PTK2: variants seen among roughly 807,000 people sequenced by gnomAD.
The protein encoded by PTK2 is focal adhesion kinase 1.
PTK2 carries 45 observed loss-of-function variants against 150.1 expected under a neutral mutation model. That is an observed-to-expected ratio of 0.30 (90% confidence interval 0.24 to 0.38). The LOEUF is 0.38. Among genes scored for constraint, PTK2 ranks in the 10% least tolerant of loss-of-function variants. The pLI, the probability that PTK2 is intolerant of heterozygous loss-of-function variation, is 1.00. For synonymous variants in PTK2, 432 were observed against 449.2 expected, an observed-to-expected ratio of 0.96 and a Z score of 0.48; for missense variants, 919 against 1,307.3, an observed-to-expected ratio of 0.70 and a Z score of 4.58.
chr8:140,734,801 G>T (rs1446756287), intron 22 of PTK2: 1 of 512,750 alleles, frequency 2.0e-6, no homozygotes, highest in Non-Finnish European at 3.9e-6. Flanking sequence ...CTGAATAAAA[G>T]TTTATAGGTG....
In PTK2 at chr8:140,984,769, T is replaced by C. The variant is rs560292580; in HGVS notation, c.-122+16356A>G. On this transcript the variant is annotated intron_variant, in intron 1 of 31. Transcript: ENST00000522684. The stretch of plus-strand genomic sequence containing the variant: ...TCCTTCATCTTTACCGCCCCTCTTG[T>C]ACAGAGCCTAAACCACAGCTCAACT... Among the ~76,000 whole-genome samples, 262 of 152,188 alleles carry C rather than the reference T, an allele frequency of 1.7e-3. 2 individuals are homozygous for C. Among genetic ancestry groups the C allele is most frequent in the Middle Eastern group, 0.017 (5 of 294 alleles).
At chr8:140,740,716 A>C (rs1256195009) in intron 20 of PTK2, among the ~76,000 whole-genome samples, 1 of 152,262 alleles carries the variant, frequency 6.6e-6, no homozygotes, top group African/African-American at 2.4e-5. Context: ...GGGACAGTTA[A>C]GATTGAAGCT....
chr8:140,966,308 G>C (rs1384125062), intron 1 of PTK2, among the ~76,000 whole-genome samples: 1 of 152,206 alleles, frequency 6.6e-6, no homozygotes, highest in Non-Finnish European at 1.5e-5. Context: ...CACTGGCATT[G>C]AGTACCTCAG....
chr8:140,779,003 G>A (rs1402881714), intron 14 of PTK2, among the ~76,000 whole-genome samples: 1 of 152,094 alleles, frequency 6.6e-6, no homozygotes, highest in Non-Finnish European at 1.5e-5. Context: ...GGTCACACCT[G>A]TAATCCCAGC....
rs146465832 is a variant in PTK2, at chr8:140,833,141, A to G, written c.594-2615T>C. On this transcript the variant is annotated intron_variant, in intron 7 of 31. Coordinates refer to ENST00000522684, the Ensembl canonical transcript of PTK2. Reference sequence around the variant, plus strand: ...TTGAAAATAAAGACGAATACTAGGTATTGCTTTTACTTCAAAGGTGAAGAC... The same window carrying G: ...TTGAAAATAAAGACGAATACTAGGTGTTGCTTTTACTTCAAAGGTGAAGAC... The G allele has an allele frequency of 1.7e-3, 816 of 483,860 alleles. 3 individuals carry two copies. The highest frequency in any genetic ancestry group is 0.015 in the African/African-American group (745 of 50,822). 30.0% of individuals were successfully genotyped at this position (483,860 alleles called of 1,614,324 possible).
At chr8:140,717,530 G>T (rs947831775) in intron 23 of PTK2, 68 bp downstream of exon 26, 2 of 1,210,206 alleles carry the variant, frequency 1.7e-6, no homozygotes, top group Admixed American at 3.4e-5. Context: ...ATAGAAAACA[G>T]CTGCCTAACT....
intron 22 of PTK2, chr8:140,732,463 T>C (rs887790445): frequency 8.5e-6 from 4 of 468,826 alleles, no homozygotes; most frequent in Non-Finnish European, 1.7e-5. Context: ...TTCCTTAGTA[T>C]TAAGAATCAC....
intron 7 of PTK2, among the ~76,000 whole-genome samples, chr8:140,837,919 G>A (rs28707522): frequency 0.023 from 3,449 of 151,842 alleles, 130 homozygotes; most frequent in African/African-American, 0.078. Flanking sequence ...AAAATTAGCC[G>A]GGCACAGTGG....
chr8:140,889,602 G>C (rs1293050701), intron 3 of PTK2, among the ~76,000 whole-genome samples: 1 of 150,094 alleles, frequency 6.7e-6, no homozygotes, highest in Non-Finnish European at 1.5e-5. Context: ...AAGTTAGAGA[G>C]TAGCAAATTA....
intron 1 of PTK2, among the ~76,000 whole-genome samples, chr8:140,943,644 T>C (rs547408054): frequency 6.6e-6 from 1 of 152,342 alleles, no homozygotes; most frequent in African/African-American, 2.4e-5. Context: ...CATAAGAAAG[T>C]GCCAAACTGA....
chr8:140,938,508 T>C (rs914963232), intron 1 of PTK2, among the ~76,000 whole-genome samples: 1 of 152,292 alleles, frequency 6.6e-6, no homozygotes, highest in South Asian at 2.1e-4. Context: ...GTTTCCCCAA[T>C]AAATGCTCTA....
intron 6 of PTK2, 80 bp from the exon 7 acceptor site, chr8:140,846,402 G>T: frequency 1.4e-6 from 2 of 1,420,066 alleles, no homozygotes; most frequent in Non-Finnish European, 2.0e-6. Flanking sequence ...TGGGGGAGAG[G>T]CATCTGAATA....
intron 22 of PTK2, chr8:140,732,636 C>A: frequency 2.0e-6 from 1 of 503,242 alleles, no homozygotes; most frequent in Non-Finnish European, 4.0e-6. Context: ...AGACTGTGAG[C>A]TCCTCGAGGG....
rs141576389 is a variant in PTK2, at chr8:140,961,133, G to C, written c.-121-35384C>G. On this transcript the variant is annotated intron_variant, in intron 1 of 31. Transcript: ENST00000522684. ...AGTTCTATCACTAGAGCAAGTTTGG[G>C]CACTGTGAGCAAGTTATACATGCCT... Among the ~76,000 whole-genome samples the C allele has an allele frequency of 5.9e-3, 893 of 152,302 alleles. 14 individuals carry two copies. Among genetic ancestry groups the C allele is most frequent in the African/African-American group, 0.02 (817 of 41,566 alleles).
chr8:140,944,103 T>C (rs1218010160), intron 1 of PTK2, among the ~76,000 whole-genome samples: 2 of 152,148 alleles, frequency 1.3e-5, no homozygotes, highest in Non-Finnish European at 2.9e-5. Context: ...GAAAAAACAC[T>C]CATCCCCGTC....
In PTK2 at chr8:140,770,697, G is replaced by T. The variant is rs1237777820; in HGVS notation, c.1178-6407C>A. 4 of 1,260,962 alleles carry T rather than the reference G, an allele frequency of 3.2e-6. No individual in the cohort carries two copies. The highest frequency in any genetic ancestry group is 4.2e-6 in the Non-Finnish European group (4 of 954,542). The allele number at this position is 1,260,962 out of a possible 1,614,324, so 78.1% of individuals were successfully genotyped here. A position where few individuals can be genotyped will look rare whatever the true frequency, so the allele number is the denominator to read the frequency against. On this transcript the variant is annotated intron_variant, in intron 14 of 31. Coordinates refer to ENST00000522684, the Ensembl canonical transcript of PTK2. ...TGCTCTGGTTAATAGGAGAGCCTGT[G>T]CAAATATGAGTGCAGTACCCGTAGA... is the stretch of plus-strand genomic sequence containing the variant.
chr8:140,976,606 G>C (rs559422786), intron 1 of PTK2, among the ~76,000 whole-genome samples: 130 of 152,318 alleles, frequency 8.5e-4, no homozygotes, highest in African/African-American at 2.7e-3. Context: ...AGTTGAGGCA[G>C]TCACTTGTCT....
intron 2 of PTK2, among the ~76,000 whole-genome samples, chr8:140,898,457 G>A (rs1032868960): frequency 6.6e-6 from 1 of 152,150 alleles, no homozygotes; most frequent in African/African-American, 2.4e-5. Flanking sequence ...CTGCTCAGCT[G>A]TCTACAACTT....
intron 4 of PTK2, 185 bp downstream of exon 4, chr8:140,879,286 C>A: frequency 1.3e-5 from 7 of 527,458 alleles, no homozygotes; most frequent in South Asian, 9.9e-5. Flanking sequence ...TTAATAATAC[C>A]CAAAAGCTAG....
Sources: allele counts gnomAD v4.1 joint callset (sites outside exome capture counted in the v4.1 genomes callset), GRCh38; gene constraint gnomAD v4.1.1; transcripts MANE v1.5; gene names NCBI Gene and HGNC (gene_info 2026-07-23, HGNC 2026-07-21).